The following MAPK6 variants were observed in gnomAD, a reference collection of about 807,000 sequenced individuals.
MAPK6 encodes the protein mitogen-activated protein kinase 6, also known as ERK-3.
In MAPK6, 19 loss-of-function variants were observed where a neutral mutation model predicts 59.3. The observed-to-expected ratio is 0.32, with a 90% CI of 0.22 to 0.47. The LOEUF is 0.47. Ranked by LOEUF, MAPK6 falls within the 20% of genes least tolerant of loss-of-function variation. MAPK6 has a pLI of 1.00. For missense variants in MAPK6, 724 were observed against 847.9 expected (o/e 0.85, Z 1.81); for synonymous variants, 316 against 290.3 (o/e 1.09, Z -0.90).
In MAPK6 at chr15:52,067,174, C is replaced by G. The variant is rs141905184; in HGVS notation, c.*2174C>G. ...TTGGCTCCTGGACTTAATCCACATT[C>G]GTTAAACTGTCACCTTGGCAGTTTA... On this transcript the variant is annotated 3_prime_UTR_variant, in exon 6 of 6. Coordinates refer to ENST00000261845, the MANE Select transcript of MAPK6 (RefSeq NM_002748.4). 1 of 152,128 alleles carries G rather than the reference C, an allele frequency of 6.6e-6. No individual in the cohort carries two copies. The highest frequency in any genetic ancestry group is 1.5e-5 in the Non-Finnish European group (1 of 68,022). 9.4% of individuals were successfully genotyped at this position (152,128 alleles called of 1,614,324 possible).
At chr15:52,014,703 T>TAAAAAAAAAAA (rs796259080), upstream of MAPK6, among the ~76,000 whole-genome samples, 55 of 119,446 alleles carry the variant, frequency 4.6e-4, 3 homozygotes, top group African/African-American at 1.7e-3. Flanking sequence ...TGAGATTTTC[T>TAAAAAAAAAAA]AAAAAAAAAA....
chr15:51,979,871 C>G (rs2057168158), intron 1 of MAPK6, among the ~76,000 whole-genome samples: 1 of 151,784 alleles, frequency 6.6e-6, no homozygotes. Flanking sequence ...TGGAAGACTG[C>G]ATCAGAAGCT....
intron 5 of MAPK6, among the ~76,000 whole-genome samples, chr15:52,062,074 T>C (rs1464192968): frequency 2.0e-5 from 3 of 151,472 alleles, no homozygotes. Context: ...AGGATTTTTT[T>C]TTTTTTTTTT....
chr15:52,008,328 C>T (rs956656455), intron 3 of MAPK6, among the ~76,000 whole-genome samples: 2 of 152,116 alleles, frequency 1.3e-5, no homozygotes, highest in Non-Finnish European at 2.9e-5. Flanking sequence ...TCTTAGAATG[C>T]CATTGCCTTC....
intron 1 of MAPK6, among the ~76,000 whole-genome samples, chr15:52,029,561 A>G (rs991965827): frequency 6.6e-6 from 1 of 152,118 alleles, no homozygotes; most frequent in Non-Finnish European, 1.5e-5. Context: ...AGACATTACC[A>G]CTTAGTAACC....
chr15:52,058,536 C>G (rs1190244840), intron 3 of MAPK6, 97 bp from the exon 4 acceptor site: 1 of 1,012,000 alleles, frequency 9.9e-7, no homozygotes. Flanking sequence ...ACTTTTCCCC[C>G]CACTGGTCAT....
In MAPK6 at chr15:52,063,995, T is replaced by A; in HGVS notation, c.1161T>A (p.Asp387Glu). 6.2e-7 allele frequency: 1 copy of A among 1,613,732 alleles called. No homozygotes were observed. Among genetic ancestry groups the A allele is most frequent in the Non-Finnish European group, 8.5e-7 (1 of 1,179,712 alleles). ...AGCTTGATCCAAGAGCTCTGTCCGA[T>A]GTCACTGATGAAGAAGAAGTACAAG... ...EVQLDPRALS[D>E]VTDEEEVQVD... The change falls in exon 6 of 6, where the codon GAT becomes GAA. Residue 387 changes from aspartate to glutamate, a missense_variant. Around this residue, in one of 4 missense-constraint regions of MAPK6, gnomAD observed 502 missense variants for 507.6 expected, o/e 0.99. Transcript: ENST00000261845.
chr15:52,062,170 C>G (rs1412247854), intron 5 of MAPK6, among the ~76,000 whole-genome samples: 1 of 151,284 alleles, frequency 6.6e-6, no homozygotes, highest in East Asian at 2.0e-4. Context: ...CTGCCTCAGC[C>G]TCCCGAGTAG....
intron 1 of MAPK6, among the ~76,000 whole-genome samples, chr15:52,034,238 G>C (rs1400368418): frequency 1.3e-5 from 2 of 152,060 alleles, no homozygotes; most frequent in African/African-American, 2.4e-5. Flanking sequence ...GCCCGCCTCA[G>C]CCTCCCAAAG....
chr15:52,053,906 G>A (rs1230139773), intron 3 of MAPK6, among the ~76,000 whole-genome samples: 2 of 151,798 alleles, frequency 1.3e-5, no homozygotes, highest in Admixed American at 6.6e-5. Context: ...CAAAGTGCTG[G>A]GATTACAGGT....
chr15:51,990,691 C>T (rs2057205324), intron 2 of MAPK6, among the ~76,000 whole-genome samples: 1 of 152,190 alleles, frequency 6.6e-6, no homozygotes, highest in Non-Finnish European at 1.5e-5. Flanking sequence ...TGGCTCACGC[C>T]TGTAATCCCA....
At chr15:52,050,239 C>A in intron 3 of MAPK6, 102 bp downstream of exon 3, 1 of 1,044,366 alleles carries the variant, frequency 9.6e-7, no homozygotes, top group Non-Finnish European at 1.4e-6. Flanking sequence ...TTGTTATGAT[C>A]TGTAATACTA....
chr15:52,041,438 T>G (rs1464378407), intron 1 of MAPK6, among the ~76,000 whole-genome samples: 1 of 152,148 alleles, frequency 6.6e-6, no homozygotes, highest in Non-Finnish European at 1.5e-5. Context: ...TCAGGTGATC[T>G]GCCCGCCTCA....
At chr15:52,009,697 G>T (rs1468446913) in intron 3 of MAPK6, among the ~76,000 whole-genome samples, 1 of 152,132 alleles carries the variant, frequency 6.6e-6, no homozygotes, top group Non-Finnish European at 1.5e-5. Flanking sequence ...TATTTAAAAA[G>T]TAAATGTATA....
At chr15:51,995,504 C>T (rs1427160309) in intron 2 of MAPK6, among the ~76,000 whole-genome samples, 1 of 152,186 alleles carries the variant, frequency 6.6e-6, no homozygotes, top group Non-Finnish European at 1.5e-5. Context: ...TCTTCATATA[C>T]GTTTGAGTAG....
In MAPK6 at chr15:52,063,843, G is replaced by A. The variant is rs2032303030; in HGVS notation, c.1068-59G>A. On this transcript the variant is annotated intron_variant, in intron 5 of 5. Transcript: ENST00000261845. ...AGTGCTGTCACATAGAAGGTACTCGGTGAATTTGAAAATGAAATCATATAC... is the reference window on the plus strand; with the variant it reads ...AGTGCTGTCACATAGAAGGTACTCGATGAATTTGAAAATGAAATCATATAC... 14 of 1,451,216 alleles carry A rather than the reference G, an allele frequency of 9.6e-6. No homozygotes were observed. In the Admixed American group the frequency reaches 3.0e-4, roughly 31 times the overall value. 89.9% of individuals were successfully genotyped at this position (1,451,216 alleles called of 1,614,324 possible).
At chr15:51,999,879 G>T in intron 2 of MAPK6, among the ~76,000 whole-genome samples, 1 of 152,010 alleles carries the variant, frequency 6.6e-6, no homozygotes, top group Non-Finnish European at 1.5e-5. Context: ...CCTGAGCTCA[G>T]GTAATCTGCC....
At chr15:51,975,100 C>T (rs1427408583) in intron 1 of MAPK6, among the ~76,000 whole-genome samples, 9 of 151,642 alleles carry the variant, frequency 5.9e-5, no homozygotes, top group Admixed American at 2.0e-4. Flanking sequence ...TTTGAAAGAA[C>T]GTTCTGCTTT....
chr15:52,013,190 C>T (rs1304598010), intron 3 of MAPK6, among the ~76,000 whole-genome samples: 1 of 150,954 alleles, frequency 6.6e-6, no homozygotes, highest in Non-Finnish European at 1.5e-5. Context: ...ATCTTATCCA[C>T]AAAGATGTCT....
Sources: allele counts gnomAD v4.1 joint callset (sites outside exome capture counted in the v4.1 genomes callset), GRCh38; gene constraint gnomAD v4.1.1; regional missense constraint gnomAD v4.1.1; transcripts MANE v1.5; gene names NCBI Gene and HGNC (gene_info 2026-07-23, HGNC 2026-07-21).